The following DPP10 variants were observed in gnomAD, a reference collection of about 807,000 sequenced individuals.
The protein encoded by DPP10 is dipeptidyl peptidase like 10.
Under a neutral mutation model 120.9 loss-of-function variants are expected in DPP10, and 33 were observed. That is an observed-to-expected ratio of 0.27 (90% CI 0.21 to 0.37). The LOEUF is 0.37. Ranked by LOEUF, DPP10 falls within the 10% of genes least tolerant of loss-of-function variation. The pLI is 1.00. For missense variants in DPP10, 816 were observed against 942.8 expected (o/e 0.87, Z 1.76); for synonymous variants, 337 against 326.1 (o/e 1.03, Z -0.36).
chr2:115,313,833 C>T (rs2061678855), intron 2 of DPP10, among the ~76,000 whole-genome samples: 1 of 152,094 alleles, frequency 6.6e-6, no homozygotes, highest in African/African-American at 2.4e-5. Context: ...ATTATTCATT[C>T]CATTTTTTTA....
chr2:114,724,365 G>A (rs573606992), intron 1 of DPP10, among the ~76,000 whole-genome samples: 3 of 152,146 alleles, frequency 2.0e-5, no homozygotes, highest in Admixed American at 6.5e-5. Flanking sequence ...CCAACAGACC[G>A]CCAGGATGGC....
chr2:115,161,485 C>CG (rs1278136840), intron 1 of DPP10: 5 of 151,552 alleles, frequency 3.3e-5, no homozygotes, highest in African/African-American at 1.2e-4. Flanking sequence ...CTCTCCCCCC[C>CG]CCCGGCTGCG....
chr2:115,833,651 C>CA (rs1243745017), intron 21 of DPP10, among the ~76,000 whole-genome samples: 2 of 152,068 alleles, frequency 1.3e-5, no homozygotes, highest in African/African-American at 4.8e-5. Flanking sequence ...GGGTCACAGT[C>CA]AAAAATGCCA....
intron 1 of DPP10, among the ~76,000 whole-genome samples, chr2:115,129,281 G>C (rs962222028): frequency 1.3e-5 from 2 of 152,294 alleles, no homozygotes; most frequent in South Asian, 4.1e-4. Flanking sequence ...GAGGGTGGAT[G>C]ATAATGCATT....
At position 115,054,472 on chromosome 2, in the gene DPP10, A is replaced by G. The variant is rs534956818; in HGVS notation, c.61-254767A>G. On this transcript the variant is annotated intron_variant, in intron 1 of 25. Coordinates refer to ENST00000410059, the MANE Select transcript of DPP10 (RefSeq NM_020868.6). ...AGACTGTCCCTTCAATAATATTATT[A>G]GAAAAAAAGTGCACTGTTGGGTTCA... Among the ~76,000 whole-genome samples, 6 of 152,340 alleles carry G rather than the reference A, an allele frequency of 3.9e-5. No individual in the cohort carries two copies. In the South Asian group the frequency reaches 1.2e-3, roughly 32 times the overall value.
chr2:115,077,839 TCTAATAAG>T (rs1707929054), intron 1 of DPP10, among the ~76,000 whole-genome samples: 1 of 152,178 alleles, frequency 6.6e-6, no homozygotes, highest in African/African-American at 2.4e-5. Context: ...TGCTAACCAA[TCTAATAAG>T]CTAATGAGCC....
chr2:114,587,574 G>T (rs1691109898), intron 1 of DPP10, among the ~76,000 whole-genome samples: 1 of 152,052 alleles, frequency 6.6e-6, no homozygotes, highest in Non-Finnish European at 1.5e-5. Flanking sequence ...AATCCCTGGA[G>T]CTTGTGGTGC....
At chr2:114,495,750 A>C (rs988259808) in intron 1 of DPP10, among the ~76,000 whole-genome samples, 1 of 152,186 alleles carries the variant, frequency 6.6e-6, no homozygotes, top group African/African-American at 2.4e-5. Flanking sequence ...ATTAATTAGC[A>C]GCTGGAGGAT....
intron 1 of DPP10, among the ~76,000 whole-genome samples, chr2:114,551,917 T>A (rs1335170911): frequency 1.3e-5 from 2 of 152,184 alleles, no homozygotes; most frequent in African/African-American, 4.8e-5. Context: ...GTTATCTAGA[T>A]TGTAAATGAA....
At chr2:115,770,214 T>A (rs1044890307) in intron 13 of DPP10, among the ~76,000 whole-genome samples, 1 of 152,090 alleles carries the variant, frequency 6.6e-6, no homozygotes, top group Non-Finnish European at 1.5e-5. Context: ...AGGGTTGTGA[T>A]GTTGACATGC....
intron 1 of DPP10, among the ~76,000 whole-genome samples, chr2:115,082,367 T>TA (rs1708344882): frequency 6.6e-6 from 1 of 152,160 alleles, no homozygotes; most frequent in African/African-American, 2.4e-5. Context: ...AAGTCTGTGT[T>TA]AAAATAGCCA....
intron 1 of DPP10, among the ~76,000 whole-genome samples, chr2:115,188,128 T>C (rs1025790093): frequency 5.3e-5 from 8 of 152,020 alleles, no homozygotes; most frequent in African/African-American, 1.9e-4. Context: ...GAAGTAAGTT[T>C]CAAGAATTTT....
At chr2:114,736,825 G>T (rs1677487228) in intron 1 of DPP10, among the ~76,000 whole-genome samples, 1 of 152,170 alleles carries the variant, frequency 6.6e-6, no homozygotes, top group Non-Finnish European at 1.5e-5. Context: ...GATGTACTCA[G>T]GCCTTAAGAG....
At chr2:115,680,020 A>G (rs1375849010) in intron 5 of DPP10, among the ~76,000 whole-genome samples, 1 of 152,076 alleles carries the variant, frequency 6.6e-6, no homozygotes, top group African/African-American at 2.4e-5. Context: ...CAAAGAAATA[A>G]TAAATGTTTT....
At chr2:114,570,903 A>G (rs1048069573) in intron 1 of DPP10, among the ~76,000 whole-genome samples, 4 of 151,996 alleles carry the variant, frequency 2.6e-5, no homozygotes, top group Non-Finnish European at 5.9e-5. Flanking sequence ...CCTGGAATAG[A>G]AAAAATTCAT....
At chr2:115,762,341 G>C (rs1417762041) in intron 11 of DPP10, among the ~76,000 whole-genome samples, 5 of 151,786 alleles carry the variant, frequency 3.3e-5, no homozygotes, top group Non-Finnish European at 7.4e-5. Context: ...GTACTGCTGG[G>C]AATTCTGAAA....
At chr2:114,923,287 G>T (rs560459319) in intron 1 of DPP10, among the ~76,000 whole-genome samples, 1 of 149,792 alleles carries the variant, frequency 6.7e-6, no homozygotes, top group East Asian at 2.0e-4. Context: ...AGGTTCAAGC[G>T]ATTCTCATGC....
At chr2:114,619,253 T>C (rs1693903177) in intron 1 of DPP10, among the ~76,000 whole-genome samples, 2 of 152,062 alleles carry the variant, frequency 1.3e-5, no homozygotes, top group Admixed American at 6.6e-5. Context: ...AGTAAACTTT[T>C]CAGTGGCAGT....
chr2:115,534,278 A>T (rs2148931427), intron 5 of DPP10, among the ~76,000 whole-genome samples: 1 of 152,054 alleles, frequency 6.6e-6, no homozygotes, highest in Admixed American at 6.6e-5. Flanking sequence ...ACCCCACAAC[A>T]GTCCCTAGAG....
Sources: allele counts gnomAD v4.1 joint callset (sites outside exome capture counted in the v4.1 genomes callset), GRCh38; gene constraint gnomAD v4.1.1; transcripts MANE v1.5; gene names NCBI Gene and HGNC (gene_info 2026-07-23, HGNC 2026-07-21).